Variants in TEX9 observed in about 807,000 individuals in gnomAD.
TEX9 encodes testis expressed 9.
TEX9 carries 74 observed loss-of-function variants against 59.6 expected under a neutral mutation model. That is an observed-to-expected ratio of 1.24 (90% CI 1.03 to 1.51). The LOEUF is 1.51. TEX9 is among the 40% of genes most tolerant of loss of function. The pLI is 0.00. For synonymous variants in TEX9, 186 were observed against 152.2 expected (o/e 1.22, Z -1.64); for missense variants, 522 against 447.8 (o/e 1.17, Z -1.49).
chr15:56,444,712 T>C (rs1258507929), intron 12 of TEX9: 1 of 1,481,440 alleles, frequency 6.8e-7, no homozygotes, highest in Non-Finnish European at 9.4e-7. Context: ...GTTTTCAAAT[T>C]TGAACATAGT....
At chr15:56,406,840 T>A (rs1339733839) in intron 9 of TEX9, among the ~76,000 whole-genome samples, 1 of 152,212 alleles carries the variant, frequency 6.6e-6, no homozygotes, top group East Asian at 1.9e-4. Context: ...TAGAAGAATA[T>A]ATATTTTGAA....
chr15:56,453,033 G>C, the TEX9 span, among the ~76,000 whole-genome samples: 1 of 152,054 alleles, frequency 6.6e-6, no homozygotes, highest in African/African-American at 2.4e-5. Flanking sequence ...TTCTCTATTA[G>C]TCAGTTATAT....
At chr15:56,277,791 C>T (rs972704550) in intron 1 of TEX9, among the ~76,000 whole-genome samples, 1 of 152,170 alleles carries the variant, frequency 6.6e-6, no homozygotes, top group Non-Finnish European at 1.5e-5. Flanking sequence ...AGAAACCAGC[C>T]ACAATTTAAC....
At chr15:56,420,431 C>T (rs1278062000) in intron 10 of TEX9, among the ~76,000 whole-genome samples, 1 of 151,678 alleles carries the variant, frequency 6.6e-6, no homozygotes, top group Non-Finnish European at 1.5e-5. Flanking sequence ...CCTCAGCCTC[C>T]TGAGTAGCTG....
At chr15:56,358,438 TA>T (rs1165621274) in intron 1 of TEX9, among the ~76,000 whole-genome samples, 142 of 144,490 alleles carry the variant, frequency 9.8e-4, no homozygotes, top group African/African-American at 1.8e-3. Flanking sequence ...CCTTTTAACT[TA>T]AAAAAAAAAA....
chr15:56,268,050 A>G (rs1434494693), intron 1 of TEX9, among the ~76,000 whole-genome samples: 1 of 152,048 alleles, frequency 6.6e-6, no homozygotes. Context: ...ATCCCTTGTA[A>G]GTTGGATTCG....
At chr15:56,454,693 G>C in the TEX9 span, among the ~76,000 whole-genome samples, 1 of 151,986 alleles carries the variant, frequency 6.6e-6, no homozygotes, top group African/African-American at 2.4e-5. Context: ...CTCACATAAT[G>C]CTTCTGTATT....
chr15:56,280,163 T>C (rs2044780371), intron 1 of TEX9, among the ~76,000 whole-genome samples: 2 of 152,236 alleles, frequency 1.3e-5, no homozygotes, highest in South Asian at 2.1e-4. Flanking sequence ...TTTTAACTTA[T>C]GGCATTTTTA....
At chr15:56,327,804 G>A (rs567536429) in intron 1 of TEX9, among the ~76,000 whole-genome samples, 17 of 152,314 alleles carry the variant, frequency 1.1e-4, no homozygotes, top group Non-Finnish European at 2.2e-4. Context: ...GCCCTAGCCA[G>A]AGGGCAAACA....
chr15:56,397,320 G>A (rs1390020156), intron 9 of TEX9: 1 of 154,900 alleles, frequency 6.5e-6, no homozygotes, highest in East Asian at 1.9e-4. Flanking sequence ...AAATTTCTAA[G>A]CAGCAAAGCA....
chr15:56,246,923 T>A (rs774401092), intron 1 of TEX9, among the ~76,000 whole-genome samples: 17 of 152,110 alleles, frequency 1.1e-4, no homozygotes, highest in Non-Finnish European at 2.4e-4. Context: ...AAGGAAAACA[T>A]GAAAAGTTAT....
rs372401748 is a variant in TEX9 at position 56,381,139 on chromosome 15, A to T, written c.184-2813A>T. ...TGTCTCCTCTGTATTTTCAAATAGCATGTCTTCAAGATTACTAATTCTTCT... is the reference window on the plus strand; with the variant it reads ...TGTCTCCTCTGTATTTTCAAATAGCTTGTCTTCAAGATTACTAATTCTTCT... On this transcript the variant is annotated intron_variant, in intron 3 of 12. Transcript: ENST00000352903. Among the ~76,000 whole-genome samples, 11 of 152,014 alleles carry T rather than the reference A, an allele frequency of 7.2e-5. No homozygotes were observed. In the East Asian group the frequency reaches 7.7e-4, roughly 11 times the overall value.
At chr15:56,349,997 C>G (rs935920410) in intron 1 of TEX9, among the ~76,000 whole-genome samples, 1 of 152,090 alleles carries the variant, frequency 6.6e-6, no homozygotes, top group Non-Finnish European at 1.5e-5. Flanking sequence ...ACTGCCCTCT[C>G]CTTTAGGTTG....
intron 1 of TEX9, among the ~76,000 whole-genome samples, chr15:56,262,516 A>G (rs912918604): frequency 6.6e-6 from 1 of 152,206 alleles, no homozygotes; most frequent in Non-Finnish European, 1.5e-5. Flanking sequence ...TGTTTTATGC[A>G]TAGCATATAG....
intron 1 of TEX9, among the ~76,000 whole-genome samples, chr15:56,289,769 C>T (rs1185358268): frequency 9.2e-5 from 14 of 152,078 alleles, no homozygotes; most frequent in African/African-American, 2.2e-4. Context: ...CACAGACATG[C>T]GTGGACTACA....
At chr15:56,435,773 T>C (rs2050713656) in intron 12 of TEX9, among the ~76,000 whole-genome samples, 1 of 151,982 alleles carries the variant, frequency 6.6e-6, no homozygotes, top group Non-Finnish European at 1.5e-5. Context: ...CTACACAATC[T>C]CTTCCAGAAA....
At chr15:56,257,040 T>G (rs1407764457) in intron 1 of TEX9, among the ~76,000 whole-genome samples, 1 of 152,138 alleles carries the variant, frequency 6.6e-6, no homozygotes, top group Non-Finnish European at 1.5e-5. Context: ...CATGCAGTAT[T>G]TGGTTTTCTG....
At chr15:56,377,609 G>A (rs1203495344) in intron 3 of TEX9, among the ~76,000 whole-genome samples, 2 of 152,050 alleles carry the variant, frequency 1.3e-5, no homozygotes, top group Non-Finnish European at 2.9e-5. Flanking sequence ...CAACTTTACT[G>A]AGTTTATCAT....
chr15:56,354,450 TG>T (rs1201811225), intron 1 of TEX9, among the ~76,000 whole-genome samples: 6 of 151,978 alleles, frequency 3.9e-5, no homozygotes, highest in Admixed American at 1.3e-4. Flanking sequence ...AGTAAAAAGG[TG>T]GGGGAAAGAC....
Sources: gnomAD v4.1 joint callset for allele counts (sites outside exome capture counted in the v4.1 genomes callset) on GRCh38, gnomAD v4.1.1 for gene constraint, MANE v1.5 for transcripts, NCBI Gene and HGNC (gene_info 2026-07-23, HGNC 2026-07-21) for gene names.